The following TMEM236 variants were observed in gnomAD, a reference collection of about 807,000 sequenced individuals.
TMEM236 encodes transmembrane protein 236.
In TMEM236, 11 loss-of-function variants were observed where a neutral mutation model predicts 14.7. The ratio of observed to expected loss-of-function variants is 0.75; its 90% CI spans 0.47 to 1.24. The LOEUF (loss-of-function observed/expected upper bound fraction) is 1.24. Ranked by LOEUF, TMEM236 falls within the 50% of genes most tolerant of loss-of-function variation. TMEM236 has a pLI of 0.00. For synonymous variants in TMEM236, 182 were observed against 168.6 expected (o/e 1.08, Z -0.62); for missense variants, 464 against 427.3 (o/e 1.09, Z -0.76).
chr10:17,768,213 C>T (rs1589143370), intron 1 of TMEM236, among the ~76,000 whole-genome samples: 1 of 150,108 alleles, frequency 6.7e-6, no homozygotes, highest in Non-Finnish European at 1.5e-5. Context: ...CAGGCATGAG[C>T]CACCAGGCCT....
At chr10:17,774,260 G>A (rs1837623018) in intron 2 of TMEM236, among the ~76,000 whole-genome samples, 1 of 152,076 alleles carries the variant, frequency 6.6e-6, no homozygotes, top group Admixed American at 6.6e-5. Context: ...GGCCAGGCTG[G>A]TCTTGAACTC....
At chr10:17,759,503 A>G (rs931034360) in intron 1 of TMEM236, among the ~76,000 whole-genome samples, 2 of 152,188 alleles carry the variant, frequency 1.3e-5, no homozygotes, top group East Asian at 1.9e-4. Context: ...AACATATTCC[A>G]TGAGATTTTG....
intron 3 of TMEM236, among the ~76,000 whole-genome samples, chr10:17,793,702 C>T (rs999111093): frequency 8.6e-5 from 13 of 152,024 alleles, no homozygotes; most frequent in African/African-American, 2.4e-4. Context: ...AGGCTGGTCT[C>T]GAACTTCTGA....
intron 3 of TMEM236, among the ~76,000 whole-genome samples, chr10:17,788,091 A>G (rs1837867327): frequency 1.3e-5 from 2 of 150,324 alleles, no homozygotes; most frequent in Non-Finnish European, 3.0e-5. Context: ...AAATAAATAA[A>G]TGTTTCAGGA....
At chr10:17,789,025 C>T (rs1363388549) in intron 3 of TMEM236, among the ~76,000 whole-genome samples, 4 of 152,268 alleles carry the variant, frequency 2.6e-5, no homozygotes, top group African/African-American at 9.6e-5. Context: ...TAACATTTGC[C>T]AGTGTCTGTG....
At chr10:17,790,796 T>C (rs1205751324) in intron 3 of TMEM236, among the ~76,000 whole-genome samples, 1 of 152,184 alleles carries the variant, frequency 6.6e-6, no homozygotes, top group African/African-American at 2.4e-5. Flanking sequence ...GAGAAATAGA[T>C]TTGGGGGATT....
intron 1 of TMEM236, among the ~76,000 whole-genome samples, chr10:17,766,363 A>G (rs533316473): frequency 0.11 from 16,795 of 152,154 alleles, 1,056 homozygotes; most frequent in Non-Finnish European, 0.15. Flanking sequence ...GTTTCCTATA[A>G]TATGTTCCTC....
At chr10:17,754,086 G>C (rs1056791617) in intron 1 of TMEM236, among the ~76,000 whole-genome samples, 2 of 152,186 alleles carry the variant, frequency 1.3e-5, no homozygotes, top group African/African-American at 4.8e-5. Context: ...GCCAGTTCAT[G>C]CTATTCTAAG....
At chr10:17,793,182 T>A (rs1034515022) in intron 3 of TMEM236, among the ~76,000 whole-genome samples, 7 of 152,126 alleles carry the variant, frequency 4.6e-5, no homozygotes, top group African/African-American at 1.7e-4. Flanking sequence ...AAAACCAAAC[T>A]CCAGCTAAGA....
chr10:17,763,183 A>C (rs1270587093), intron 1 of TMEM236, among the ~76,000 whole-genome samples: 1 of 152,156 alleles, frequency 6.6e-6, no homozygotes, highest in Non-Finnish European at 1.5e-5. Flanking sequence ...GCATCATCAA[A>C]ACTTAGTGCT....
At chr10:17,755,703 T>C (rs2131738734) in intron 1 of TMEM236, among the ~76,000 whole-genome samples, 1 of 152,218 alleles carries the variant, frequency 6.6e-6, no homozygotes, top group South Asian at 2.1e-4. Flanking sequence ...GTTGGAATTT[T>C]GAGGGAATGG....
intron 3 of TMEM236, among the ~76,000 whole-genome samples, chr10:17,789,641 G>A (rs1239802060): frequency 6.6e-6 from 1 of 152,158 alleles, no homozygotes; most frequent in Non-Finnish European, 1.5e-5. Context: ...AGTGCGTTGG[G>A]AGGCTGAGGC....
At chr10:17,773,590 G>A (rs1169832889) in intron 2 of TMEM236, among the ~76,000 whole-genome samples, 5 of 152,020 alleles carry the variant, frequency 3.3e-5, no homozygotes, top group East Asian at 3.9e-4. Context: ...CACCCGCCTC[G>A]GCCTCCCAAA....
rs1254083524 is a variant in TMEM236, at chr10:17,798,582, C to A, written c.*2078C>A. 6.6e-5 allele frequency: 35 copies of A among 534,298 alleles called. No homozygotes were observed. Among genetic ancestry groups the A allele is most frequent in the Non-Finnish European group, 1.2e-4 (30 of 259,906 alleles). 33.1% of individuals were successfully genotyped at this position (534,298 alleles called of 1,614,324 possible). A position where few individuals can be genotyped will look rare whatever the true frequency, so the allele number is the denominator to read the frequency against. On this transcript the variant is annotated 3_prime_UTR_variant, in exon 4 of 4. Coordinates refer to ENST00000377495, the MANE Select transcript of TMEM236 (RefSeq NM_001098844.3). ...TGACGTTGTGTTATTCTACGCTCCA[C>A]CAAATACCTCTCCCCTTGCCACCCT...
chr10:17,775,756 A>T (rs1418445133), intron 2 of TMEM236, among the ~76,000 whole-genome samples: 4 of 152,240 alleles, frequency 2.6e-5, no homozygotes, highest in African/African-American at 9.6e-5. Flanking sequence ...TACCCCTTCA[A>T]TATTACAGGG....
intron 1 of TMEM236, among the ~76,000 whole-genome samples, chr10:17,754,606 C>G (rs1417163424): frequency 6.6e-6 from 1 of 152,100 alleles, no homozygotes; most frequent in African/African-American, 2.4e-5. Context: ...AGATTACAGG[C>G]GTGAGCTGCC....
intron 3 of TMEM236, among the ~76,000 whole-genome samples, chr10:17,783,346 C>G (rs1436036447): frequency 2.0e-5 from 3 of 152,142 alleles, no homozygotes; most frequent in South Asian, 4.2e-4. Context: ...TAGGGAGAGC[C>G]GCATGGTCAG....
At chr10:17,792,096 T>TTAA (rs1837934734) in intron 3 of TMEM236, among the ~76,000 whole-genome samples, 1 of 151,896 alleles carries the variant, frequency 6.6e-6, no homozygotes, top group African/African-American at 2.4e-5. Flanking sequence ...AATTAATTAA[T>TTAA]TAATTATTTG....
chr10:17,797,707 C>T lies in TMEM236; in HGVS notation c.*1203C>T, dbSNP rs918884297. 1 of 152,116 alleles carries T rather than the reference C, an allele frequency of 6.6e-6. No individual in the cohort carries two copies. The highest frequency in any genetic ancestry group is 1.5e-5 in the Non-Finnish European group (1 of 68,026). The allele number at this position is 152,116 out of a possible 1,614,324, so 9.4% of individuals were successfully genotyped here. On this transcript the variant is annotated 3_prime_UTR_variant, in exon 4 of 4. Coordinates refer to ENST00000377495, the MANE Select transcript of TMEM236 (RefSeq NM_001098844.3). ...CTTTTATTCAATAAATTGATTTCAG[C>T]ATAAAAAGCAATTCACTTTAACAGA...
Sources: gnomAD v4.1 joint callset for allele counts (sites outside exome capture counted in the v4.1 genomes callset) on GRCh38, gnomAD v4.1.1 for gene constraint, MANE v1.5 for transcripts, NCBI Gene and HGNC (gene_info 2026-07-23, HGNC 2026-07-21) for gene names.